The following SEMA6D variants were observed in gnomAD, a reference collection of about 807,000 sequenced individuals.
SEMA6D encodes the protein semaphorin-6D.
Under a neutral mutation model 106.6 loss-of-function variants are expected in SEMA6D, and 35 were observed. The observed-to-expected ratio is 0.33, with a 90% confidence interval of 0.25 to 0.44. The LOEUF (loss-of-function observed/expected upper bound fraction) is 0.44. Ranked by LOEUF, SEMA6D falls within the 20% of genes least tolerant of loss-of-function variation. The pLI is 1.00. For missense variants in SEMA6D, 1,185 were observed against 1,345.9 expected (o/e 0.88, Z 1.87); for synonymous variants, 499 against 487.7 (o/e 1.02, Z -0.31).
intron 3 of SEMA6D, among the ~76,000 whole-genome samples, chr15:47,547,736 C>G (rs915672367): frequency 6.6e-6 from 1 of 152,114 alleles, no homozygotes; most frequent in Non-Finnish European, 1.5e-5. Flanking sequence ...AGAAAACCAG[C>G]CACGTTGGCC....
chr15:47,201,243 A>G (rs960887891), intron 1 of SEMA6D, among the ~76,000 whole-genome samples: 1 of 152,198 alleles, frequency 6.6e-6, no homozygotes, highest in Non-Finnish European at 1.5e-5. Context: ...TACAAAGGGA[A>G]TTTCAAAATA....
chr15:47,222,391 G>T (rs2031288209), intron 1 of SEMA6D, among the ~76,000 whole-genome samples: 1 of 151,998 alleles, frequency 6.6e-6, no homozygotes, highest in African/African-American at 2.4e-5. Context: ...TTTCTTTCCA[G>T]ATACCACAGA....
chr15:47,203,383 G>A (rs1274886541), intron 1 of SEMA6D, among the ~76,000 whole-genome samples: 2 of 152,126 alleles, frequency 1.3e-5, no homozygotes, highest in East Asian at 1.9e-4. Context: ...ATCAATCACT[G>A]GAAAAGAGAA....
chr15:47,453,201 A>T (rs1054711787), intron 2 of SEMA6D, among the ~76,000 whole-genome samples: 9 of 151,946 alleles, frequency 5.9e-5, no homozygotes, highest in African/African-American at 2.2e-4. Context: ...TTTAATTTCC[A>T]AGTTCCCAAA....
At chr15:47,500,820 T>C (rs973577632) in intron 3 of SEMA6D, among the ~76,000 whole-genome samples, 2 of 152,212 alleles carry the variant, frequency 1.3e-5, no homozygotes, top group African/African-American at 4.8e-5. Flanking sequence ...AGATTTACAT[T>C]CAGAAAGGTA....
Position 47,639,131 on chromosome 15 carries a change from T to C in SEMA6D, c.-55+38235T>C, listed in dbSNP as rs2077444988. On this transcript the variant is annotated intron_variant, in intron 4 of 19. Transcript: ENST00000558014. Reference sequence around the variant, plus strand: ...CTAAGGCTCAAAGGTTGAGGGCAGATCTCTTTAAAGGGATGACCACCAGTG... The same window carrying C: ...CTAAGGCTCAAAGGTTGAGGGCAGACCTCTTTAAAGGGATGACCACCAGTG... Among the ~76,000 whole-genome samples, 3 of 152,250 alleles carry C rather than the reference T, an allele frequency of 2.0e-5. No homozygotes were observed. The South Asian group carries it at 6.2e-4, about 32-fold the overall frequency.
intron 1 of SEMA6D, among the ~76,000 whole-genome samples, chr15:47,226,824 C>G (rs2031702729): frequency 6.6e-6 from 1 of 152,076 alleles, no homozygotes; most frequent in Non-Finnish European, 1.5e-5. Flanking sequence ...CTCTGCATCC[C>G]CAGAACCCAA....
At chr15:47,232,600 T>C (rs2032277520) in intron 1 of SEMA6D, among the ~76,000 whole-genome samples, 1 of 151,840 alleles carries the variant, frequency 6.6e-6, no homozygotes, top group African/African-American at 2.4e-5. Flanking sequence ...GGTATTTCAT[T>C]ATGGCTTTAA....
chr15:47,673,199 A>C (rs2078171988), intron 4 of SEMA6D, among the ~76,000 whole-genome samples: 1 of 152,204 alleles, frequency 6.6e-6, no homozygotes, highest in Non-Finnish European at 1.5e-5. Context: ...AATTATTTGC[A>C]AGAGTAAAAT....
intron 4 of SEMA6D, among the ~76,000 whole-genome samples, chr15:47,610,753 C>A (rs775372225): frequency 6.6e-6 from 1 of 152,142 alleles, no homozygotes; most frequent in Non-Finnish European, 1.5e-5. Context: ...ATTTTCCCAG[C>A]ACTTACGTGT....
At chr15:47,344,026 A>C (rs1014513536) in intron 1 of SEMA6D, among the ~76,000 whole-genome samples, 1 of 152,182 alleles carries the variant, frequency 6.6e-6, no homozygotes, top group Non-Finnish European at 1.5e-5. Context: ...TCAAAACCAC[A>C]ATGAGATACC....
At chr15:47,720,711 A>G (rs867689213) in intron 1 of SEMA6D, among the ~76,000 whole-genome samples, 1 of 152,244 alleles carries the variant, frequency 6.6e-6, no homozygotes, top group South Asian at 2.1e-4. Flanking sequence ...CTAAAGACTT[A>G]TTGAAACTGG....
intron 4 of SEMA6D, among the ~76,000 whole-genome samples, chr15:47,630,473 ATTAG>A (rs990526862): frequency 2.6e-5 from 4 of 151,838 alleles, no homozygotes; most frequent in Non-Finnish European, 4.4e-5. Context: ...GAACACACTT[ATTAG>A]TTCTAGGACT....
chr15:47,676,874 A>G (rs977306233), intron 4 of SEMA6D, among the ~76,000 whole-genome samples: 5 of 150,360 alleles, frequency 3.3e-5, no homozygotes, highest in African/African-American at 1.2e-4. Context: ...CGAAAGCAGC[A>G]GTCTCCAACC....
intron 1 of SEMA6D, among the ~76,000 whole-genome samples, chr15:47,215,261 A>T (rs553812008): frequency 7.2e-4 from 109 of 151,656 alleles, no homozygotes; most frequent in African/African-American, 2.5e-3. Context: ...ACTTTAACGG[A>T]AAAAAGAGCA....
chr15:47,628,355 G>C (rs977429921), intron 4 of SEMA6D, among the ~76,000 whole-genome samples: 2 of 151,988 alleles, frequency 1.3e-5, no homozygotes, highest in Admixed American at 6.6e-5. Flanking sequence ...CAAAAGAATA[G>C]CTATACCATT....
At chr15:47,487,703 A>G (rs756903104) in intron 3 of SEMA6D, among the ~76,000 whole-genome samples, 2 of 152,090 alleles carry the variant, frequency 1.3e-5, no homozygotes, top group African/African-American at 2.4e-5. Flanking sequence ...CTCCCTATTT[A>G]TAGATATTTA....
chr15:47,250,666 A>G (rs2033467581), intron 1 of SEMA6D, among the ~76,000 whole-genome samples: 1 of 152,244 alleles, frequency 6.6e-6, no homozygotes, highest in African/African-American at 2.4e-5. Context: ...ATCTTTAAGA[A>G]GTGAAAGGAG....
chr15:47,518,195 T>C (rs1031060230), intron 3 of SEMA6D, among the ~76,000 whole-genome samples: 1 of 152,172 alleles, frequency 6.6e-6, no homozygotes, highest in Non-Finnish European at 1.5e-5. Context: ...AGGAATTTAA[T>C]TTTTAATAAT....
Sources: gnomAD v4.1 joint callset for allele counts (sites outside exome capture counted in the v4.1 genomes callset) on GRCh38, gnomAD v4.1.1 for gene constraint, MANE v1.5 for transcripts, NCBI Gene and HGNC (gene_info 2026-07-23, HGNC 2026-07-21) for gene names.